Variants in ABHD3 observed in about 807,000 individuals in gnomAD.
ABHD3 encodes the protein abhydrolase domain containing 3, phospholipase.
A neutral mutation model predicts 48.8 loss-of-function variants in ABHD3; 46 were observed. The observed-to-expected ratio is 0.94, with a 90% CI of 0.74 to 1.20. The LOEUF is 1.20. ABHD3 is among the 50% of genes most tolerant of loss of function. The probability of loss-of-function intolerance (pLI) is 0.00; values close to 1 mark genes in which losing one functional copy is unlikely to be tolerated. For synonymous variants in ABHD3, 192 were observed against 183.7 expected, an observed-to-expected ratio of 1.04 and a Z score of -0.36; for missense variants, 490 against 497.8, an observed-to-expected ratio of 0.98 and a Z score of 0.15.
chr18:21,672,449 C>T (rs1208039494), intron 4 of ABHD3, among the ~76,000 whole-genome samples: 4 of 152,136 alleles, frequency 2.6e-5, no homozygotes, highest in African/African-American at 7.2e-5. Context: ...AAATCATTTA[C>T]GTTTCATATT....
At chr18:21,698,204 G>C (rs77982021) in intron 3 of ABHD3, among the ~76,000 whole-genome samples, 2 of 129,992 alleles carry the variant, frequency 1.5e-5, no homozygotes, top group East Asian at 4.1e-4. Flanking sequence ...TTTTTTTTTT[G>C]AGATGGAGTT....
intron 5 of ABHD3, chr18:21,663,700 G>A: frequency 6.5e-7 from 1 of 1,535,388 alleles, no homozygotes; most frequent in Non-Finnish European, 8.7e-7. Flanking sequence ...AATTTTGAAG[G>A]CCACTGCAGC....
Position 21,663,852 on chromosome 18 carries a change from A to G in ABHD3, c.668+266T>C, listed in dbSNP as rs928132450. The G allele has an allele frequency of 9.3e-6, 14 of 1,505,982 alleles. No individual in the cohort carries two copies. In the East Asian group the frequency reaches 2.2e-4, roughly 24 times the overall value. The allele number at this position is 1,505,982 out of a possible 1,614,324, so 93.3% of individuals were successfully genotyped here. ...AACATGGCAGCCGGTGAGTGATGCA[A>G]TCGACTTCATGGGCTTCAGACAAAC... On this transcript the variant is annotated intron_variant, in intron 5 of 8. Coordinates refer to ENST00000289119, the MANE Select transcript of ABHD3 (RefSeq NM_138340.5).
At chr18:21,657,080 T>C in intron 7 of ABHD3, 24 bp downstream of exon 7, 1 of 1,613,820 alleles carries the variant, frequency 6.2e-7, no homozygotes, top group Non-Finnish European at 8.5e-7. Context: ...GAAATAAAAG[T>C]ATTACATAAA....
chr18:21,669,662 T>C (rs1290703473), intron 4 of ABHD3, among the ~76,000 whole-genome samples: 3 of 152,138 alleles, frequency 2.0e-5, no homozygotes, highest in African/African-American at 7.2e-5. Context: ...GATTAACCCA[T>C]TTTCCTCTTC....
Position 21,659,274 on chromosome 18 carries a change from G to A in ABHD3, c.738C>T (p.Ser246=), listed in dbSNP as rs771517984. The change falls in exon 6 of 9, where the codon TCC becomes TCT. Residue 246 remains serine, a synonymous_variant. Transcript: ENST00000289119. ...KTPLMAAATF[S]VGWNTFACSE... The stretch of plus-strand genomic sequence containing the variant: ...AGCAAGCGAAGGTGTTCCAACCAAC[G>A]GAAAAAGTTGCAGCTGCCATCAAAG... The A allele has an allele frequency of 1.1e-5, 17 of 1,613,592 alleles. No homozygotes were observed. The highest frequency in any genetic ancestry group is 4.4e-5 in the South Asian group (4 of 90,984).
At chr18:21,699,791 C>T (rs1014300394) in intron 3 of ABHD3, among the ~76,000 whole-genome samples, 1 of 151,800 alleles carries the variant, frequency 6.6e-6, no homozygotes, top group Non-Finnish European at 1.5e-5. Context: ...AGCGATTCTC[C>T]CTCAGCCTCC....
At chr18:21,693,341 A>G (rs1165025974) in intron 3 of ABHD3, among the ~76,000 whole-genome samples, 1 of 152,196 alleles carries the variant, frequency 6.6e-6, no homozygotes, top group Non-Finnish European at 1.5e-5. Flanking sequence ...GTGCTGAGCA[A>G]TGACATAATT....
At chr18:21,686,697 G>A (rs139848328) in intron 3 of ABHD3, among the ~76,000 whole-genome samples, 34 of 152,264 alleles carry the variant, frequency 2.2e-4, no homozygotes, top group African/African-American at 7.9e-4. Context: ...AGCCTTGGAC[G>A]TGGGGCAGAG....
At chr18:21,691,419 TC>T (rs2146328118) in intron 3 of ABHD3, among the ~76,000 whole-genome samples, 1 of 152,240 alleles carries the variant, frequency 6.6e-6, no homozygotes, top group Admixed American at 6.5e-5. Flanking sequence ...GAACACCACA[TC>T]CAACAAGAGA....
rs368302528 is a variant in ABHD3, at chr18:21,677,447, C to T, written c.555+6473G>A. Among the ~76,000 whole-genome samples the T allele has an allele frequency of 2.0e-4, 30 of 151,878 alleles. No homozygotes were observed. In the East Asian group the frequency reaches 3.5e-3, roughly 18 times the overall value. The stretch of plus-strand genomic sequence containing the variant: ...GTCTCGATCTCCTGATCTCGTGACC[C>T]GCCCGCCTGGGCACTCCCAAAGTGC... On this transcript the variant is annotated intron_variant, in intron 4 of 8. Transcript: ENST00000289119.
At chr18:21,686,146 G>T (rs2040124574) in intron 3 of ABHD3, among the ~76,000 whole-genome samples, 1 of 152,228 alleles carries the variant, frequency 6.6e-6, no homozygotes, top group African/African-American at 2.4e-5. Flanking sequence ...CCTGGCCAGA[G>T]AAATCTTAAA....
rs1178903115 is a variant in ABHD3, at chr18:21,703,453, T to C, written c.326+131A>G. ...GGTGGAGCCGGGGACGTACCTTCCA[T>C]TTTCATTCCCTCTTTCTGTTCTATA... On this transcript the variant is annotated intron_variant, in intron 2 of 8. Transcript: ENST00000289119. 9.7e-6 allele frequency: 11 copies of C among 1,131,522 alleles called. No homozygotes were observed. In the East Asian group the frequency reaches 2.1e-4, roughly 21 times the overall value. The allele number at this position is 1,131,522 out of a possible 1,614,324, so 70.1% of individuals were successfully genotyped here.
At chr18:21,680,474 TTC>T (rs2039980189) in intron 4 of ABHD3, among the ~76,000 whole-genome samples, 1 of 152,208 alleles carries the variant, frequency 6.6e-6, no homozygotes, top group Non-Finnish European at 1.5e-5. Context: ...AACTTGGGAC[TTC>T]TGAGTCCGAG....
intron 5 of ABHD3, chr18:21,663,849 G>A (rs2039558903): frequency 2.7e-5 from 41 of 1,508,258 alleles, no homozygotes; most frequent in Non-Finnish European, 3.4e-5. Context: ...GGTGAGTGAT[G>A]CAATCGACTT....
intron 4 of ABHD3, among the ~76,000 whole-genome samples, chr18:21,666,126 T>C (rs190212440): frequency 5.9e-5 from 9 of 152,094 alleles, no homozygotes; most frequent in African/African-American, 2.2e-4. Flanking sequence ...CTCTGCCTCC[T>C]GGGTTCAAGC....
chr18:21,665,681 T>TG (rs1568142861), intron 4 of ABHD3, among the ~76,000 whole-genome samples: 1 of 151,560 alleles, frequency 6.6e-6, no homozygotes, highest in Admixed American at 6.6e-5. Context: ...GGTGTGGTGG[T>TG]GGGCGCTGTA....
intron 3 of ABHD3, among the ~76,000 whole-genome samples, chr18:21,700,823 T>C (rs2040490240): frequency 1.0e-5 from 1 of 99,200 alleles, no homozygotes; most frequent in African/African-American, 5.8e-5. Flanking sequence ...GACTAAGTTT[T>C]AGCCAAAAAA....
chr18:21,667,637 T>A (rs2039664650), intron 4 of ABHD3, among the ~76,000 whole-genome samples: 1 of 152,136 alleles, frequency 6.6e-6, no homozygotes, highest in Non-Finnish European at 1.5e-5. Context: ...AACATGACTC[T>A]CTGAAAGAAA....
Sources: allele counts gnomAD v4.1 joint callset (sites outside exome capture counted in the v4.1 genomes callset), GRCh38; gene constraint gnomAD v4.1.1; transcripts MANE v1.5; gene names NCBI Gene and HGNC (gene_info 2026-07-23, HGNC 2026-07-21).